Variants in LY9 observed in about 807,000 individuals in gnomAD.
LY9 encodes lymphocyte antigen 9, also known as T-lymphocyte surface antigen Ly-9.
A neutral mutation model predicts 64.6 loss-of-function variants in LY9; 59 were observed. The ratio of observed to expected loss-of-function variants is 0.91; its 90% CI spans 0.74 to 1.13. The LOEUF (loss-of-function observed/expected upper bound fraction) is 1.13, where lower values mean the gene tolerates loss of function less well. Ranked by LOEUF, LY9 falls within the 50% of genes most tolerant of loss-of-function variation. The pLI is 0.00. For synonymous variants in LY9, 281 were observed against 308.5 expected (o/e 0.91, Z 0.93); for missense variants, 789 against 797.2 (o/e 0.99, Z 0.12).
At chr1:160,821,160 A>AAAAAAAAC (rs972942780) in intron 7 of LY9, among the ~76,000 whole-genome samples, 1 of 150,702 alleles carries the variant, frequency 6.6e-6, no homozygotes, top group African/African-American at 2.5e-5. Flanking sequence ...CTAAAAAAAA[A>AAAAAAAAC]AAAAAAAAAC....
rs1254783326 is a variant in LY9 at position 160,816,515 on chromosome 1, A to G, written c.1073-79A>G. ...AGTATCAACACTCAGCTTCATGAAT[A>G]TATTTTCAATGAATGAAGACAGGTG... On this transcript the variant is annotated intron_variant, in intron 4 of 9. Coordinates refer to ENST00000263285, the MANE Select transcript of LY9 (RefSeq NM_002348.4). The G allele has an allele frequency of 5.5e-6, 8 of 1,451,818 alleles. No homozygotes were observed. The East Asian group carries it at 1.7e-4, about 32-fold the overall frequency. 89.9% of individuals were successfully genotyped at this position (1,451,818 alleles called of 1,614,324 possible).
chr1:160,802,319 A>G (rs1160693068), intron 2 of LY9: 3 of 988,772 alleles, frequency 3.0e-6, no homozygotes, highest in Non-Finnish European at 3.6e-6. Context: ...CATTTCCTGG[A>G]TGTCCCCTGC....
chr1:160,825,225 C>T (rs1385610778), intron 9 of LY9, among the ~76,000 whole-genome samples: 3 of 151,454 alleles, frequency 2.0e-5, no homozygotes, highest in Admixed American at 6.6e-5. Context: ...AAAAAAAATC[C>T]CTTACAGGTA....
At chr1:160,808,755 T>A (rs1667209638) in intron 2 of LY9, among the ~76,000 whole-genome samples, 1 of 152,222 alleles carries the variant, frequency 6.6e-6, no homozygotes, top group African/African-American at 2.4e-5. Flanking sequence ...GTATACTACT[T>A]TTGTTCTTCT....
At chr1:160,814,905 C>G in intron 4 of LY9, 144 bp downstream of exon 4, 1 of 660,336 alleles carries the variant, frequency 1.5e-6, no homozygotes, top group Non-Finnish European at 2.6e-6. Flanking sequence ...TCAGTTCACA[C>G]CAGTTGATTC....
intron 9 of LY9, among the ~76,000 whole-genome samples, chr1:160,825,242 A>G (rs1173705788): frequency 6.6e-6 from 1 of 151,972 alleles, no homozygotes; most frequent in Admixed American, 6.6e-5. Flanking sequence ...GGTAGAATTT[A>G]TCATTAAATA....
At chr1:160,805,865 T>A (rs1346808702) in intron 2 of LY9, among the ~76,000 whole-genome samples, 1 of 151,948 alleles carries the variant, frequency 6.6e-6, no homozygotes, top group Non-Finnish European at 1.5e-5. Flanking sequence ...TTTAGAGTTG[T>A]TATATCCTCT....
intron 8 of LY9, 78 bp from the exon 9 acceptor site, chr1:160,824,103 C>T: frequency 2.6e-6 from 4 of 1,563,170 alleles, no homozygotes; most frequent in Non-Finnish European, 3.5e-6. Context: ...GGGGTATCCC[C>T]TCTCCTCAAG....
At position 160,796,241 on chromosome 1, in the gene LY9, TAA is replaced by T; in HGVS notation, c.55_56del (p.Lys19AlafsTer57). ...DDWAPGPFSS[K>X]PQRSQLQIFS... ...ACTGGGCTCCTGGGCCTTTCTCCAG[TAA>T]GCCACAGAGGAGTCAGCTGCAAATA... On this transcript the variant is annotated frameshift_variant, in exon 1 of 10. Coordinates refer to ENST00000263285, the MANE Select transcript of LY9 (RefSeq NM_002348.4). LOFTEE classifies it high-confidence loss of function. 1 of 1,614,112 alleles carries T rather than the reference TAA, an allele frequency of 6.2e-7. No homozygotes were observed. Among genetic ancestry groups the T allele is most frequent in the Non-Finnish European group, 8.5e-7 (1 of 1,179,972 alleles).
rs755180465 is a variant in LY9, at chr1:160,827,718, C to G, written c.1900-30C>G. 3.2e-6 allele frequency: 5 copies of G among 1,566,708 alleles called. No homozygotes were observed. In the South Asian group the frequency reaches 3.4e-5, roughly 11 times the overall value. On this transcript the variant is annotated intron_variant, in intron 9 of 9. Transcript: ENST00000263285. Reference sequence around the variant, plus strand: ...CTCACTCTTCCAAGGCTTTATTAACCATATTCTTTTGTGGATTTTTGGCTC... The same window carrying G: ...CTCACTCTTCCAAGGCTTTATTAACGATATTCTTTTGTGGATTTTTGGCTC...
In LY9 at chr1:160,824,225, C is replaced by G. The variant is rs750537672; in HGVS notation, c.1875C>G (p.Ile625Met). ...VSQKEESSAT[I>M]YCSIRKPQVV... ...AGAAGGAAGAGAGCTCAGCCACAAT[C>G]TACTGCTCCATACGGAAACCTCAGG... Residue 625 changes from isoleucine (I) to methionine (M), a missense_variant, in exon 9 of 10, where the codon ATC (isoleucine) becomes ATG (methionine). Transcript: ENST00000263285. The G allele has an allele frequency of 3.1e-6, 5 of 1,614,198 alleles. No homozygotes were observed. The highest frequency in any genetic ancestry group is 4.2e-6 in the Non-Finnish European group (5 of 1,180,012).
rs988934351 is a variant in LY9 at position 160,798,450 on chromosome 1, A to G, written c.125-1303A>G. On this transcript the variant is annotated intron_variant, in intron 1 of 9. Transcript: ENST00000263285. ...TTAAATGAGATAATTTACATAAAGT[A>G]CCTAATGCACACATAGCAATCGTAA... Among the ~76,000 whole-genome samples, 3 of 152,326 alleles carry G rather than the reference A, an allele frequency of 2.0e-5. No homozygotes were observed. In the East Asian group the frequency reaches 5.8e-4, roughly 29 times the overall value.
intron 2 of LY9, chr1:160,802,552 A>G (rs1666603133): frequency 1.0e-6 from 1 of 985,488 alleles, no homozygotes; most frequent in Admixed American, 6.1e-5. Flanking sequence ...TTTCCAAGAA[A>G]TGGTTCAAAT....
chr1:160,822,638 A>G (rs1024058300), intron 7 of LY9, among the ~76,000 whole-genome samples: 1 of 152,116 alleles, frequency 6.6e-6, no homozygotes, highest in Non-Finnish European at 1.5e-5. Flanking sequence ...CTATCTGCCT[A>G]AGTAATTTCT....
Position 160,824,236 on chromosome 1 carries a change from T to C in LY9, c.1886T>C (p.Ile629Thr), listed in dbSNP as rs780197749. The C allele has an allele frequency of 6.2e-7, 1 of 1,614,138 alleles. No homozygotes were observed. Among genetic ancestry groups the C allele is most frequent in the East Asian group, 2.2e-5 (1 of 44,872 alleles). Residue 629 changes from isoleucine (I) to threonine (T), a missense_variant, in exon 9 of 10, where the codon ATA (isoleucine) becomes ACA (threonine). Transcript: ENST00000263285. ...AGCTCAGCCACAATCTACTGCTCCATACGGAAACCTCAGGTGGTGAGAACT... is the reference window on the plus strand; with the variant it reads ...AGCTCAGCCACAATCTACTGCTCCACACGGAAACCTCAGGTGGTGAGAACT... Reference protein sequence around the residue: ...EESSATIYCSIRKPQVVPPPQ... With the variant: ...EESSATIYCSTRKPQVVPPPQ...
chr1:160,802,283 A>T lies in LY9; in HGVS notation c.454+2201A>T, dbSNP rs1288776404. The T allele has an allele frequency of 1.3e-5, 13 of 1,007,256 alleles. No homozygotes were observed. In the South Asian group the frequency reaches 5.5e-4, roughly 43 times the overall value. The allele number at this position is 1,007,256 out of a possible 1,614,324, so 62.4% of individuals were successfully genotyped here. On this transcript the variant is annotated intron_variant, in intron 2 of 9. Transcript: ENST00000263285. Reference sequence around the variant, plus strand: ...TCCACCCTGCAAAGACTCCTCGGGCAGCATGCGGGTCCCGCACACTGCACC... The same window carrying T: ...TCCACCCTGCAAAGACTCCTCGGGCTGCATGCGGGTCCCGCACACTGCACC...
chr1:160,808,505 A>G (rs920941796), intron 2 of LY9, among the ~76,000 whole-genome samples: 1 of 152,120 alleles, frequency 6.6e-6, no homozygotes, highest in Non-Finnish European at 1.5e-5. Context: ...TGGTAGTTTC[A>G]GGGATTGGGA....
chr1:160,820,842 G>GTTT (rs34903114), intron 7 of LY9, among the ~76,000 whole-genome samples: 3 of 145,614 alleles, frequency 2.1e-5, no homozygotes, highest in Non-Finnish European at 3.0e-5. Flanking sequence ...TAATTGAATA[G>GTTT]TTTTTTTTTT....
intron 3 of LY9, 67 bp downstream of exon 3, chr1:160,813,978 C>A: frequency 6.6e-7 from 1 of 1,512,934 alleles, no homozygotes; most frequent in Non-Finnish European, 8.9e-7. Context: ...GGAGTCTAAA[C>A]CCTAGGATCC....
Sources: gnomAD v4.1 joint callset for allele counts (sites outside exome capture counted in the v4.1 genomes callset) on GRCh38, gnomAD v4.1.1 for gene constraint, MANE v1.5 for transcripts, NCBI Gene and HGNC (gene_info 2026-07-23, HGNC 2026-07-21) for gene names.